The following BAZ2B variants were observed in gnomAD, a reference collection of about 807,000 sequenced individuals.
The protein encoded by BAZ2B is bromodomain adjacent to zinc finger domain protein 2B.
In BAZ2B, 91 loss-of-function variants were observed where a neutral mutation model predicts 246.0. The ratio of observed to expected loss-of-function variants is 0.37; its 90% CI spans 0.31 to 0.44. The LOEUF is 0.44. BAZ2B is among the 20% of genes least tolerant of loss of function. The pLI is 1.00. For synonymous variants in BAZ2B, 855 were observed against 860.0 expected, an observed-to-expected ratio of 0.99 and a Z score of 0.10; for missense variants, 2,332 against 2,533.7, an observed-to-expected ratio of 0.92 and a Z score of 1.71.
At chr2:159,614,493 G>A (rs1037174908) in intron 1 of BAZ2B, among the ~76,000 whole-genome samples, 8 of 151,762 alleles carry the variant, frequency 5.3e-5, no homozygotes, top group Non-Finnish European at 1.0e-4. Context: ...TATTAGAAAC[G>A]GGGAGCCAGA....
intron 8 of BAZ2B, among the ~76,000 whole-genome samples, chr2:159,435,714 C>G (rs999371502): frequency 1.3e-5 from 2 of 152,036 alleles, no homozygotes; most frequent in Admixed American, 6.5e-5. Flanking sequence ...GCCTCGAACT[C>G]CTGACCTCAG....
intron 18 of BAZ2B, among the ~76,000 whole-genome samples, chr2:159,397,886 A>G (rs549443605): frequency 6.6e-6 from 1 of 152,272 alleles, no homozygotes; most frequent in East Asian, 1.9e-4. Context: ...CTACGTATGA[A>G]TTAAAGTGAC....
Position 159,325,132 on chromosome 2 carries a change from T to C in BAZ2B, c.6210-178A>G, listed in dbSNP as rs1276354426. ...TATATATATTTTATATATATATATA[T>C]ATATATATATATATATGAGATAGGG... On this transcript the variant is annotated intron_variant, in intron 35 of 36. Coordinates refer to ENST00000392783, the MANE Select transcript of BAZ2B (RefSeq NM_013450.4). 2.0e-3 allele frequency among the ~76,000 whole-genome samples: 82 copies of C among 40,684 alleles called. 6 individuals carry two copies. The highest frequency in any genetic ancestry group is 0.02 in the South Asian group (18 of 920). The allele number at this position is 40,684 out of a possible 152,430, so 26.7% of individuals were successfully genotyped here. A position where few individuals can be genotyped will look rare whatever the true frequency, so the allele number is the denominator to read the frequency against.
chr2:159,522,828 G>C lies in BAZ2B; in HGVS notation c.-3+32995C>G, dbSNP rs977517624. Among the ~76,000 whole-genome samples, 20 of 151,956 alleles carry C rather than the reference G, an allele frequency of 1.3e-4. 1 individual carries two copies. Among genetic ancestry groups the C allele is most frequent in the Admixed American group, 4.6e-4 (7 of 15,266 alleles). Reference sequence around the variant, plus strand: ...GTAGAGAAACAGACGCTTTAAACGAGTATCTGTGCAATACCAAAAGCCTAC... The same window carrying C: ...GTAGAGAAACAGACGCTTTAAACGACTATCTGTGCAATACCAAAAGCCTAC... On this transcript the variant is annotated intron_variant, in intron 2 of 36. Coordinates refer to ENST00000392783, the MANE Select transcript of BAZ2B (RefSeq NM_013450.4).
chr2:159,616,022 C>T (rs1696013860), intron 1 of BAZ2B: 1 of 152,326 alleles, frequency 6.6e-6, no homozygotes, highest in Non-Finnish European at 1.5e-5. Context: ...CCGAGAACCA[C>T]CCCAGCCTTC....
chr2:159,365,317 T>C (rs1215662865), intron 27 of BAZ2B, among the ~76,000 whole-genome samples: 1 of 152,166 alleles, frequency 6.6e-6, no homozygotes, highest in Admixed American at 6.5e-5. Flanking sequence ...TATAAGATTG[T>C]CTGGTCCGGG....
the BAZ2B span, among the ~76,000 whole-genome samples, chr2:159,635,330 TTACA>T: frequency 5.7e-4 from 87 of 151,794 alleles, no homozygotes; most frequent in African/African-American, 2.0e-3. Flanking sequence ...GTTGCTACTT[TTACA>T]GAGTAAGAGA....
At chr2:159,324,159 A>G (rs2063114718) in intron 36 of BAZ2B, among the ~76,000 whole-genome samples, 1 of 137,850 alleles carries the variant, frequency 7.3e-6, no homozygotes, top group Non-Finnish European at 1.6e-5. Context: ...CTGGATAATA[A>G]CAATGTAATT....
intron 17 of BAZ2B, 63 bp downstream of exon 17, chr2:159,400,536 T>A: frequency 9.7e-7 from 1 of 1,027,376 alleles, no homozygotes; most frequent in South Asian, 1.5e-5. Context: ...AAAATATTTA[T>A]TTTTGCAGAC....
chr2:159,503,772 G>T, intron 2 of BAZ2B, among the ~76,000 whole-genome samples: 1 of 151,928 alleles, frequency 6.6e-6, no homozygotes, highest in East Asian at 1.9e-4. Flanking sequence ...GTAGAGACAG[G>T]GTTTCACCAC....
intron 2 of BAZ2B, among the ~76,000 whole-genome samples, chr2:159,504,618 C>T (rs1352798290): frequency 6.6e-6 from 1 of 152,182 alleles, no homozygotes; most frequent in Non-Finnish European, 1.5e-5. Flanking sequence ...TTAGGCACCA[C>T]TAGTTTATTT....
chr2:159,604,999 C>G (rs1254036355), intron 1 of BAZ2B, among the ~76,000 whole-genome samples: 1 of 151,958 alleles, frequency 6.6e-6, no homozygotes, highest in Non-Finnish European at 1.5e-5. Context: ...GGATCACACT[C>G]TGTTACCCAG....
chr2:159,485,926 A>C (rs1318439626), intron 2 of BAZ2B, among the ~76,000 whole-genome samples: 13 of 152,050 alleles, frequency 8.5e-5, no homozygotes, highest in Admixed American at 7.9e-4. Context: ...CCAAGGGTAA[A>C]AGCAGTGGTT....
intron 1 of BAZ2B, among the ~76,000 whole-genome samples, chr2:159,597,040 G>A (rs776062533): frequency 1.2e-4 from 19 of 152,046 alleles, no homozygotes; most frequent in African/African-American, 2.4e-4. Flanking sequence ...ACTGTTCACC[G>A]CATCCATGCC....
At chr2:159,675,885 G>A in the BAZ2B span, among the ~76,000 whole-genome samples, 3 of 149,200 alleles carry the variant, frequency 2.0e-5, no homozygotes, top group Admixed American at 6.7e-5. Context: ...GAATACAGGC[G>A]CACCCCCTAC....
At chr2:159,704,405 T>C in the BAZ2B span, among the ~76,000 whole-genome samples, 5 of 152,174 alleles carry the variant, frequency 3.3e-5, no homozygotes, top group Non-Finnish European at 5.9e-5. Flanking sequence ...GTTAGGTATA[T>C]TGGGTGATTC....
At chr2:159,486,829 A>G (rs1457776584) in intron 2 of BAZ2B, among the ~76,000 whole-genome samples, 1 of 152,074 alleles carries the variant, frequency 6.6e-6, no homozygotes, top group East Asian at 1.9e-4. Flanking sequence ...TCTTTACTAG[A>G]TTACTATGCA....
At position 159,386,397 on chromosome 2, in the gene BAZ2B, G is replaced by A; in HGVS notation, c.3427C>T (p.Leu1143Phe). Residue 1143 changes from leucine to phenylalanine, a missense_variant, in exon 22 of 37, where the codon CTC (leucine) becomes TTC (phenylalanine). Leu to Phe is a conservative substitution (Grantham distance 22). Around this residue, in one of 9 missense-constraint regions of BAZ2B, gnomAD observed 328 missense variants for 410.4 expected, o/e 0.80. Coordinates refer to ENST00000392783, the MANE Select transcript of BAZ2B (RefSeq NM_013450.4). ...GEVQDLLVRL[L>F]SAAVCDPGLI... ...CCTGGATCACATACAGCAGCTGAGAGGAGCCTCACAAGCAAGTCTTGTACT... is the reference window on the plus strand; with the variant it reads ...CCTGGATCACATACAGCAGCTGAGAAGAGCCTCACAAGCAAGTCTTGTACT... 6.2e-7 allele frequency: 1 copy of A among 1,613,268 alleles called. No homozygotes were observed. Among genetic ancestry groups the A allele is most frequent in the South Asian group, 1.1e-5 (1 of 91,038 alleles).
At chr2:159,641,774 A>G in the BAZ2B span, among the ~76,000 whole-genome samples, 1 of 152,120 alleles carries the variant, frequency 6.6e-6, no homozygotes, top group Non-Finnish European at 1.5e-5. Flanking sequence ...TCTTCTGCAT[A>G]ATGGCTAGCC....
Sources: allele counts gnomAD v4.1 joint callset (sites outside exome capture counted in the v4.1 genomes callset), GRCh38; gene constraint gnomAD v4.1.1; regional missense constraint gnomAD v4.1.1; transcripts MANE v1.5; gene names NCBI Gene and HGNC (gene_info 2026-07-23, HGNC 2026-07-21).